IDO2: variants seen among roughly 807,000 people sequenced by gnomAD.
IDO2 encodes indoleamine 2,3-dioxygenase 2.
A neutral mutation model predicts 45.1 loss-of-function variants in IDO2; 46 were observed. That is an observed-to-expected ratio of 1.02 (90% CI 0.80 to 1.30). The LOEUF is 1.30. Among genes scored for constraint, IDO2 ranks in the 50% most tolerant of loss-of-function variants. IDO2 has a pLI of 0.00. For missense variants in IDO2, 544 were observed against 491.8 expected, an observed-to-expected ratio of 1.11 and a Z score of -1.00; for synonymous variants, 218 against 184.9, an observed-to-expected ratio of 1.18 and a Z score of -1.45.
At chr8:39,977,972 T>C (rs1172309130) in intron 3 of IDO2, among the ~76,000 whole-genome samples, 1 of 152,234 alleles carries the variant, frequency 6.6e-6, no homozygotes, top group Non-Finnish European at 1.5e-5. Context: ...ACACTTTCAG[T>C]TATTTTTAAA....
At chr8:39,985,162 CTCA>C (rs1808405859) in intron 5 of IDO2, 3 of 335,896 alleles carry the variant, frequency 8.9e-6, no homozygotes, top group Non-Finnish European at 1.7e-5. Flanking sequence ...AATCCTCGAC[CTCA>C]TAATCCACCT....
In IDO2 at chr8:40,004,292, G is replaced by A. The variant is rs143591703; in HGVS notation, c.668-1035G>A. Among the ~76,000 whole-genome samples the A allele has an allele frequency of 5.9e-4, 90 of 152,266 alleles. 1 individual carries two copies. Among genetic ancestry groups the A allele is most frequent in the Middle Eastern group, 3.4e-3 (1 of 294 alleles). ...GCTCATGGACACTTCAGAGAAATTA[G>A]GGAGCAGGAAGAAGAAATAGGATCA... is the stretch of plus-strand genomic sequence containing the variant. On this transcript the variant is annotated intron_variant, in intron 8 of 10. Transcript: ENST00000502986.
At chr8:39,985,408 A>T in intron 5 of IDO2, 100 bp from the exon 6 acceptor site, 1 of 1,026,808 alleles carries the variant, frequency 9.7e-7, no homozygotes, top group East Asian at 2.6e-5. Context: ...GCCTGTGGAC[A>T]TGTGACCCTA....
At chr8:39,974,689 T>G (rs775439673) in intron 3 of IDO2, among the ~76,000 whole-genome samples, 1 of 152,176 alleles carries the variant, frequency 6.6e-6, no homozygotes, top group Non-Finnish European at 1.5e-5. Flanking sequence ...GAGGCCCATG[T>G]GGGCAGATCG....
chr8:39,975,843 A>T (rs1808251817), intron 3 of IDO2, among the ~76,000 whole-genome samples: 1 of 152,070 alleles, frequency 6.6e-6, no homozygotes, highest in Non-Finnish European at 1.5e-5. Context: ...ACATAAAATA[A>T]CTGTGAAAAT....
intron 3 of IDO2, among the ~76,000 whole-genome samples, chr8:39,974,285 G>A (rs1808226327): frequency 6.6e-6 from 1 of 152,130 alleles, no homozygotes. Context: ...AGGGTGAAAT[G>A]TTGGGAACAC....
At chr8:39,974,708 G>A (rs575603655) in intron 3 of IDO2, among the ~76,000 whole-genome samples, 1 of 152,318 alleles carries the variant, frequency 6.6e-6, no homozygotes, top group South Asian at 2.1e-4. Flanking sequence ...CGATCACAAA[G>A]TCAAGAGATC....
At position 40,009,438 on chromosome 8, in the gene IDO2, C is replaced by CA. The variant is rs771651973; in HGVS notation, c.719+4073dup. On this transcript the variant is annotated intron_variant, in intron 9 of 10. Coordinates refer to ENST00000502986, the Ensembl canonical transcript of IDO2. The stretch of plus-strand genomic sequence containing the variant: ...AATTTCTTGAGGAAGTTAGCCTTTG[C>CA]AAAAAAAAAAAAATGATCTCATTTT... Among the ~76,000 whole-genome samples the CA allele has an allele frequency of 4.3e-3, 514 of 120,830 alleles. 1 individual carries two copies. Among genetic ancestry groups the CA allele is most frequent in the African/African-American group, 6.1e-3 (183 of 30,192 alleles). The allele number at this position is 120,830 out of a possible 152,430, so 79.3% of individuals were successfully genotyped here.
chr8:39,988,849 T>A (rs997162154), intron 7 of IDO2, among the ~76,000 whole-genome samples: 1 of 152,176 alleles, frequency 6.6e-6, no homozygotes, highest in Non-Finnish European at 1.5e-5. Flanking sequence ...TTCTCATCCA[T>A]GTGTTTAGTC....
intron 2 of IDO2, among the ~76,000 whole-genome samples, chr8:39,961,479 C>T (rs114085860): frequency 0.012 from 1,785 of 151,996 alleles, 40 homozygotes; most frequent in African/African-American, 0.041. Flanking sequence ...TGTGCCAACA[C>T]GCCTGCCTAA....
intron 8 of IDO2, among the ~76,000 whole-genome samples, chr8:40,001,441 G>A (rs1802136007): frequency 6.6e-6 from 1 of 151,354 alleles, no homozygotes; most frequent in Admixed American, 6.6e-5. Context: ...GTAGAGATTG[G>A]GTTTCACTAT....
chr8:39,985,159 G>A, intron 5 of IDO2: 2 of 329,956 alleles, frequency 6.1e-6, no homozygotes, highest in South Asian at 6.6e-5. Context: ...TCGAATCCTC[G>A]ACCTCATAAT....
intron 1 of IDO2, among the ~76,000 whole-genome samples, chr8:39,939,470 C>A (rs1174718106): frequency 6.9e-6 from 1 of 145,426 alleles, no homozygotes; most frequent in African/African-American, 2.6e-5. Flanking sequence ...TTTCTTGAAC[C>A]CGGGAGGCGG....
At chr8:39,961,505 A>G (rs1807997014) in intron 2 of IDO2, among the ~76,000 whole-genome samples, 2 of 151,784 alleles carry the variant, frequency 1.3e-5, no homozygotes, top group African/African-American at 2.4e-5. Context: ...TATTTTTAGT[A>G]GAGACAGGAT....
At chr8:39,971,108 G>T (rs1427328476) in intron 3 of IDO2, among the ~76,000 whole-genome samples, 1 of 152,166 alleles carries the variant, frequency 6.6e-6, no homozygotes, top group African/African-American at 2.4e-5. Flanking sequence ...AGCTTGAAAG[G>T]ACAGGCTGAC....
intron 3 of IDO2, 66 bp from the exon 4 acceptor site, chr8:39,979,001 C>T (rs1808301122): frequency 6.7e-7 from 1 of 1,499,740 alleles, no homozygotes; most frequent in Non-Finnish European, 9.1e-7. Context: ...AGGTCCCCGG[C>T]CCCCGTTACC....
intron 1 of IDO2, among the ~76,000 whole-genome samples, chr8:39,944,901 C>T (rs1181505678): frequency 6.6e-6 from 1 of 152,120 alleles, no homozygotes; most frequent in Non-Finnish European, 1.5e-5. Flanking sequence ...TTTTCCAACT[C>T]GTTCAGGTAC....
intron 1 of IDO2, among the ~76,000 whole-genome samples, chr8:39,939,702 A>AC (rs1807615633): frequency 1.3e-5 from 2 of 151,652 alleles, no homozygotes; most frequent in South Asian, 4.2e-4. Context: ...AAGAGTTAAA[A>AC]AAAAAAAAAA....
intron 2 of IDO2, among the ~76,000 whole-genome samples, chr8:39,954,786 G>C (rs970027773): frequency 6.7e-6 from 1 of 150,240 alleles, no homozygotes; most frequent in Non-Finnish European, 1.5e-5. Context: ...CTCCTGAATA[G>C]CTGGTATTAC....
Sources: allele counts gnomAD v4.1 joint callset (sites outside exome capture counted in the v4.1 genomes callset), GRCh38; gene constraint gnomAD v4.1.1; transcripts MANE v1.5; gene names NCBI Gene and HGNC (gene_info 2026-07-23, HGNC 2026-07-21).